The following CAMK2B variants were observed in gnomAD, a reference collection of about 807,000 sequenced individuals.
The protein encoded by CAMK2B is calcium/calmodulin dependent protein kinase II beta, also known as calcium/calmodulin-dependent protein kinase type II subunit beta.
CAMK2B carries 27 observed loss-of-function variants against 93.7 expected under a neutral mutation model. The observed-to-expected ratio is 0.29, with a 90% CI of 0.21 to 0.40. The LOEUF (loss-of-function observed/expected upper bound fraction) is 0.40, where lower values mean the gene tolerates loss of function less well. Ranked by LOEUF, CAMK2B falls within the 10% of genes least tolerant of loss-of-function variation. CAMK2B has a pLI of 1.00. For missense variants in CAMK2B, 568 were observed against 895.8 expected (o/e 0.63, Z 4.67); for synonymous variants, 374 against 358.8 (o/e 1.04, Z -0.48).
chr7:44,250,807 C>A (rs113959672), intron 5 of CAMK2B, among the ~76,000 whole-genome samples: 4 of 152,196 alleles, frequency 2.6e-5, no homozygotes, highest in African/African-American at 9.6e-5. Flanking sequence ...GGATTACAGG[C>A]GTGAGCCACC....
At chr7:44,229,942 C>A in intron 17 of CAMK2B, 1 of 155,922 alleles carries the variant, frequency 6.4e-6, no homozygotes. Flanking sequence ...CTTCTTTCTG[C>A]ACGGGGTGGG....
intron 1 of CAMK2B, among the ~76,000 whole-genome samples, chr7:44,308,009 C>A (rs1175092478): frequency 6.6e-6 from 1 of 152,092 alleles, no homozygotes; most frequent in South Asian, 2.1e-4. Flanking sequence ...GGATTCCAGG[C>A]CTTTTTGACC....
intron 3 of CAMK2B, among the ~76,000 whole-genome samples, chr7:44,262,407 C>G (rs1401488463): frequency 1.3e-5 from 2 of 152,238 alleles, no homozygotes; most frequent in Admixed American, 6.5e-5. Flanking sequence ...TGACTCTGGG[C>G]CAGGGTCACC....
intron 1 of CAMK2B, among the ~76,000 whole-genome samples, chr7:44,302,145 C>T (rs914549972): frequency 5.3e-5 from 8 of 152,040 alleles, no homozygotes; most frequent in Non-Finnish European, 1.0e-4. Context: ...AATTTGATAG[C>T]CTAGATAATA....
At chr7:44,242,453 A>C in intron 9 of CAMK2B, 107 bp downstream of exon 9, 1 of 1,526,330 alleles carries the variant, frequency 6.6e-7, no homozygotes, top group South Asian at 1.2e-5. Flanking sequence ...AGGACCCAGG[A>C]CCTGGCCACA....
chr7:44,247,365 C>T (rs1041569414), intron 5 of CAMK2B, 173 bp from the exon 6 acceptor site: 8 of 644,588 alleles, frequency 1.2e-5, no homozygotes, highest in Non-Finnish European at 1.7e-5. Context: ...TCCTCACCTC[C>T]AAGGCCAGCA....
chr7:44,273,559 TC>T (rs67067904), intron 2 of CAMK2B, among the ~76,000 whole-genome samples: 49,758 of 151,548 alleles, frequency 0.33, 8,846 homozygotes, highest in East Asian at 0.42. Context: ...CCACCTGGGG[TC>T]CCCCCACCCC....
At chr7:44,242,165 G>A in intron 10 of CAMK2B, 53 bp downstream of exon 10, 2 of 1,582,740 alleles carry the variant, frequency 1.3e-6, no homozygotes, top group Non-Finnish European at 1.7e-6. Context: ...AGTGGTCTGA[G>A]GCCATCTCCA....
intron 16 of CAMK2B, among the ~76,000 whole-genome samples, chr7:44,231,330 T>G: frequency 6.6e-6 from 1 of 152,040 alleles, no homozygotes; most frequent in East Asian, 1.9e-4. Context: ...CTCACCAGGG[T>G]GCATTCTCAC....
chr7:44,246,658 C>CACCT (rs2096733704), intron 6 of CAMK2B, among the ~76,000 whole-genome samples: 1 of 151,966 alleles, frequency 6.6e-6, no homozygotes. Flanking sequence ...TATGCACTCA[C>CACCT]ACCTCTAAGT....
At chr7:44,222,948 T>C (rs1024361083) in intron 20 of CAMK2B, among the ~76,000 whole-genome samples, 2 of 152,234 alleles carry the variant, frequency 1.3e-5, no homozygotes, top group African/African-American at 4.8e-5. Flanking sequence ...TGGGGCCTCA[T>C]GTCCCCTGCT....
intron 21 of CAMK2B, 30 bp downstream of exon 21, chr7:44,220,796 C>T (rs369909402): frequency 7.7e-6 from 12 of 1,559,034 alleles, no homozygotes; most frequent in East Asian, 2.4e-5. Flanking sequence ...CCTTGTCCTG[C>T]ACAGCCCCCC....
Position 44,260,890 on chromosome 7 carries a change from C to T in CAMK2B, c.221-1964G>A, listed in dbSNP as rs1388984275. Among the ~76,000 whole-genome samples, 4 of 152,222 alleles carry T rather than the reference C, an allele frequency of 2.6e-5. No individual in the cohort carries two copies. The East Asian group carries it at 5.8e-4, about 22-fold the overall frequency. ...GAGCAAGGTATTCCCCAGACCATGT[C>T]CTGGGTCAGCACCCTGGGCGGAGGG... On this transcript the variant is annotated intron_variant, in intron 3 of 23. Transcript: ENST00000395749.
chr7:44,239,213 C>G (rs966325394), intron 13 of CAMK2B, among the ~76,000 whole-genome samples: 1 of 152,224 alleles, frequency 6.6e-6, no homozygotes, highest in African/African-American at 2.4e-5. Context: ...CTCTCTGGCT[C>G]TGCTCCTCAA....
intron 1 of CAMK2B, among the ~76,000 whole-genome samples, chr7:44,321,979 A>G (rs1203619542): frequency 6.6e-6 from 1 of 152,350 alleles, no homozygotes; most frequent in East Asian, 1.9e-4. Context: ...CCCCACTGCC[A>G]GGGACACACC....
intron 1 of CAMK2B, among the ~76,000 whole-genome samples, chr7:44,319,950 A>G (rs1340619632): frequency 4.6e-5 from 7 of 152,130 alleles, no homozygotes; most frequent in Admixed American, 1.3e-4. Context: ...AGATGTGTAT[A>G]TATGTACACA....
intron 1 of CAMK2B, among the ~76,000 whole-genome samples, chr7:44,291,244 G>A (rs755338967): frequency 4.5e-4 from 68 of 152,144 alleles, no homozygotes; most frequent in African/African-American, 1.6e-3. Flanking sequence ...TTCCGCCAAG[G>A]GGGGAGAGTG....
chr7:44,264,855 T>C (rs2096909853), intron 2 of CAMK2B, among the ~76,000 whole-genome samples: 1 of 152,052 alleles, frequency 6.6e-6, no homozygotes, highest in Non-Finnish European at 1.5e-5. Flanking sequence ...AGAATACACA[T>C]GGTGTGGGCT....
intron 13 of CAMK2B, among the ~76,000 whole-genome samples, chr7:44,239,197 C>T (rs1314605666): frequency 6.6e-6 from 1 of 152,234 alleles, no homozygotes; most frequent in African/African-American, 2.4e-5. Flanking sequence ...CCCCAAGGGC[C>T]TCTGCCTCTC....
Sources: allele counts gnomAD v4.1 joint callset (sites outside exome capture counted in the v4.1 genomes callset), GRCh38; gene constraint gnomAD v4.1.1; transcripts MANE v1.5; gene names NCBI Gene and HGNC (gene_info 2026-07-23, HGNC 2026-07-21).